CSMD1: variants seen among roughly 807,000 people sequenced by gnomAD.
CSMD1 encodes the protein CUB and sushi domain-containing protein 1.
A neutral mutation model predicts 417.5 loss-of-function variants in CSMD1; 213 were observed. The observed-to-expected ratio is 0.51, with a 90% CI of 0.46 to 0.57. The LOEUF (loss-of-function observed/expected upper bound fraction) is 0.57. CSMD1 is among the 20% of genes least tolerant of loss of function. The pLI, the probability that CSMD1 is intolerant of heterozygous loss-of-function variation, is 0.00. For synonymous variants in CSMD1, 2,862 were observed against 1,736.8 expected (o/e 1.65, Z -16.11); for missense variants, 6,923 against 4,529.7 (o/e 1.53, Z -15.17).
At chr8:4,104,305 G>A (rs1177454822) in intron 3 of CSMD1, among the ~76,000 whole-genome samples, 1 of 152,206 alleles carries the variant, frequency 6.6e-6, no homozygotes, top group African/African-American at 2.4e-5. Flanking sequence ...CATGTGCAAG[G>A]ATTGGTGTTC....
intron 3 of CSMD1, among the ~76,000 whole-genome samples, chr8:4,079,669 T>C (rs1541718): frequency 0.51 from 77,586 of 152,112 alleles, 21,814 homozygotes; most frequent in South Asian, 0.63. Flanking sequence ...TTCTTGTGGG[T>C]TCACATTAAT....
intron 1 of CSMD1, among the ~76,000 whole-genome samples, chr8:4,670,912 G>T (rs907056252): frequency 6.6e-6 from 1 of 152,130 alleles, no homozygotes; most frequent in African/African-American, 2.4e-5. Flanking sequence ...TAGTGACAAG[G>T]ATAGCTTTAT....
chr8:3,352,698 C>T (rs753784972), intron 21 of CSMD1, among the ~76,000 whole-genome samples: 5 of 152,026 alleles, frequency 3.3e-5, no homozygotes, highest in Non-Finnish European at 5.9e-5. Flanking sequence ...ACATTAACCT[C>T]GCATGGTGGT....
At chr8:4,260,494 G>A (rs1205463937) in intron 3 of CSMD1, among the ~76,000 whole-genome samples, 4 of 152,092 alleles carry the variant, frequency 2.6e-5, no homozygotes, top group Admixed American at 1.3e-4. Flanking sequence ...GTAAATACAA[G>A]GCAAACAATG....
At chr8:4,531,206 G>T (rs756738768) in intron 2 of CSMD1, among the ~76,000 whole-genome samples, 3 of 152,146 alleles carry the variant, frequency 2.0e-5, no homozygotes, top group African/African-American at 7.2e-5. Context: ...GTGACGTACA[G>T]TTGTTTTGCC....
chr8:4,396,435 C>T (rs1020349993), intron 3 of CSMD1, among the ~76,000 whole-genome samples: 4 of 152,170 alleles, frequency 2.6e-5, no homozygotes, highest in Non-Finnish European at 5.9e-5. Flanking sequence ...CCACTGAACT[C>T]TAGCCTGGTG....
At chr8:3,682,999 G>A (rs368208053) in intron 7 of CSMD1, among the ~76,000 whole-genome samples, 1 of 152,038 alleles carries the variant, frequency 6.6e-6, no homozygotes, top group African/African-American at 2.4e-5. Flanking sequence ...TGAACAATGA[G>A]AACACATGGA....
intron 6 of CSMD1, among the ~76,000 whole-genome samples, chr8:3,711,310 C>G (rs1394731436): frequency 3.3e-5 from 5 of 152,138 alleles, no homozygotes; most frequent in African/African-American, 1.2e-4. Context: ...GGCATTGACT[C>G]TTGTGGAAGA....
chr8:3,452,191 G>A (rs1249266417), intron 12 of CSMD1, among the ~76,000 whole-genome samples: 2 of 152,196 alleles, frequency 1.3e-5, no homozygotes, highest in Admixed American at 6.5e-5. Flanking sequence ...TGCTAAAGTT[G>A]CTTATCAGCT....
chr8:2,965,038 C>G lies in CSMD1; in HGVS notation c.9280+737G>C, dbSNP rs75475952. 7.6e-4 allele frequency among the ~76,000 whole-genome samples: 115 copies of G among 152,312 alleles called. No individual in the cohort carries two copies. In the East Asian group the frequency reaches 0.017, roughly 23 times the overall value. On this transcript the variant is annotated intron_variant, in intron 59 of 69. Transcript: ENST00000635120. ...ACAGCTTTCAAGCCCCTCTCTCCCC[C>G]TCTTCTTGTCCTTCCTCTGCACCAG...
intron 2 of CSMD1, among the ~76,000 whole-genome samples, chr8:4,598,200 T>G (rs1477153741): frequency 6.6e-6 from 1 of 152,178 alleles, no homozygotes; most frequent in Non-Finnish European, 1.5e-5. Context: ...ATCATAGTTG[T>G]AGGGATGAAT....
At chr8:4,398,709 A>C (rs1397476668) in intron 3 of CSMD1, among the ~76,000 whole-genome samples, 2 of 152,094 alleles carry the variant, frequency 1.3e-5, no homozygotes, top group Non-Finnish European at 2.9e-5. Flanking sequence ...TGCAACATTT[A>C]GCTACAGCTT....
At position 4,404,193 on chromosome 8, in the gene CSMD1, G is replaced by C. The variant is rs144543887; in HGVS notation, c.415+15760C>G. On this transcript the variant is annotated intron_variant, in intron 3 of 69. Coordinates refer to ENST00000635120, the MANE Select transcript of CSMD1 (RefSeq NM_033225.6). ...ATTTAATATTGAAACTCAACCTATA[G>C]CCTGACAATCCGTATGCCACTTCCC... 6.3e-4 allele frequency among the ~76,000 whole-genome samples: 96 copies of C among 152,130 alleles called. 1 individual carries two copies. The highest frequency in any genetic ancestry group is 2.2e-3 in the African/African-American group (90 of 41,496).
In CSMD1 at chr8:3,812,663, A is replaced by C. The variant is rs191750662; in HGVS notation, c.819-58621T>G. Among the ~76,000 whole-genome samples the C allele has an allele frequency of 1.2e-3, 189 of 152,318 alleles. 1 individual carries two copies. The East Asian group carries it at 0.018, about 15-fold the overall frequency. ...ATCCTAGCCACAGTAAAGAGGAATT[A>C]AGGAAGAGATTGCAACGCATGCAAA... On this transcript the variant is annotated intron_variant, in intron 5 of 69. Coordinates refer to ENST00000635120, the MANE Select transcript of CSMD1 (RefSeq NM_033225.6).
At chr8:3,214,928 G>A (rs996901003) in intron 29 of CSMD1, among the ~76,000 whole-genome samples, 2 of 152,024 alleles carry the variant, frequency 1.3e-5, no homozygotes, top group Non-Finnish European at 2.9e-5. Flanking sequence ...ACCACATTTT[G>A]CTACAGAATT....
chr8:4,211,358 T>C (rs747829121), intron 3 of CSMD1, among the ~76,000 whole-genome samples: 10 of 152,238 alleles, frequency 6.6e-5, no homozygotes, highest in Non-Finnish European at 1.5e-4. Context: ...TTTTATTCCC[T>C]GTTTTTCTTT....
At chr8:4,869,747 G>T (rs1027597134) in intron 1 of CSMD1, among the ~76,000 whole-genome samples, 1 of 151,980 alleles carries the variant, frequency 6.6e-6, no homozygotes, top group Non-Finnish European at 1.5e-5. Context: ...CCATGGAATA[G>T]AGCAAAACCA....
chr8:4,386,566 T>C (rs1022163486), intron 3 of CSMD1, among the ~76,000 whole-genome samples: 1 of 152,302 alleles, frequency 6.6e-6, no homozygotes, highest in East Asian at 1.9e-4. Context: ...AAGTAAGACC[T>C]ATAAGAGAGA....
intron 33 of CSMD1, among the ~76,000 whole-genome samples, chr8:3,199,299 C>T (rs978390539): frequency 1.3e-5 from 2 of 152,010 alleles, no homozygotes; most frequent in African/African-American, 4.8e-5. Context: ...TCCATTTAAG[C>T]TTAGTTTTTA....
Sources: gnomAD v4.1 joint callset for allele counts (sites outside exome capture counted in the v4.1 genomes callset) on GRCh38, gnomAD v4.1.1 for gene constraint, MANE v1.5 for transcripts, NCBI Gene and HGNC (gene_info 2026-07-23, HGNC 2026-07-21) for gene names.